Variants in FOXC1 observed in about 807,000 individuals in gnomAD.
The protein encoded by FOXC1 is forkhead box C1.
In FOXC1, 5 loss-of-function variants were observed where a neutral mutation model predicts 8.1. The observed-to-expected ratio is 0.62, with a 90% CI of 0.32 to 1.30. The LOEUF is 1.30. Among genes scored for constraint, FOXC1 ranks in the 50% most tolerant of loss-of-function variants. The probability of loss-of-function intolerance (pLI) is 0.05; values close to 1 mark genes in which losing one functional copy is unlikely to be tolerated. For missense variants in FOXC1, 942 were observed against 858.0 expected (o/e 1.10, Z -1.22); for synonymous variants, 552 against 417.2 (o/e 1.32, Z -3.94).
rs1561674046 is a variant in FOXC1 at position 1,609,937 on chromosome 6, C to T, written c.-509C>T. ...GATGCTCAAAAGTTCAGAAGTTTTCCCAATGCTTCCTTAAGCGGCTGGCGC... is the reference window on the plus strand; with the variant it reads ...GATGCTCAAAAGTTCAGAAGTTTTCTCAATGCTTCCTTAAGCGGCTGGCGC... On this transcript the variant is annotated 5_prime_UTR_variant, in exon 1 of 1. Coordinates refer to ENST00000645831, the MANE Select transcript of FOXC1 (RefSeq NM_001453.3). 1 of 151,924 alleles carries T rather than the reference C, an allele frequency of 6.6e-6. No individual in the cohort carries two copies. The highest frequency in any genetic ancestry group is 1.5e-5 in the Non-Finnish European group (1 of 67,968). 9.4% of individuals were successfully genotyped at this position (151,924 alleles called of 1,614,324 possible).
chr6:1,611,592 G>C lies in FOXC1; in HGVS notation c.1147G>C (p.Ala383Pro). The C allele has an allele frequency of 1.7e-6, 2 of 1,164,886 alleles. No homozygotes were observed. The highest frequency in any genetic ancestry group is 4.8e-5 in the Admixed American group (1 of 20,768). The allele number at this position is 1,164,886 out of a possible 1,614,324, so 72.2% of individuals were successfully genotyped here. ...GGGCGGCGGCGGCGGCGGCGCGGGG[G>C]CCGCGGGGGGCGCGGGCGGCGCCGG... Reference protein sequence around the residue: ...SSGGGGGGAGAAGGAGGAGTY... With the variant: ...SSGGGGGGAGPAGGAGGAGTY... The change falls in exon 1 of 1, where the codon GCC (alanine) becomes CCC (proline). Residue 383 changes from alanine (A) to proline (P), a missense_variant. Physicochemically the swap from Ala to Pro is conservative, Grantham distance 27. Transcript: ENST00000645831. This position sits in a 1 kb window ranked among gnomAD's most constrained non-coding sequence, Gnocchi z 7.1.
At position 1,611,521 on chromosome 6, in the gene FOXC1, C is replaced by T. The variant is rs1428492391; in HGVS notation, c.1076C>T (p.Ser359Phe). ...GGCGCCTACTCGCCCGGCCAGAGCT[C>T]CCTCTACAGCTCCCCCTGCAGCCAG... is the stretch of plus-strand genomic sequence containing the variant. Reference protein sequence around the residue: ...ALGAYSPGQSSLYSSPCSQTS... With the variant: ...ALGAYSPGQSFLYSSPCSQTS... Residue 359 changes from serine (S) to phenylalanine (F), a missense_variant, in exon 1 of 1, where the codon TCC (serine) becomes TTC (phenylalanine). Physicochemically the swap from Ser to Phe is radical, Grantham distance 155 (BLOSUM62 -2). Around this residue, in one of 4 missense-constraint regions of FOXC1, gnomAD observed 726 missense variants for 599.6 expected, o/e 1.21. Transcript: ENST00000645831. This position sits in a 1 kb window ranked among gnomAD's most constrained non-coding sequence, Gnocchi z 7.1. The T allele has an allele frequency of 3.0e-6, 4 of 1,334,482 alleles. No homozygotes were observed. The highest frequency in any genetic ancestry group is 2.9e-6 in the Non-Finnish European group (3 of 1,036,204). The allele number at this position is 1,334,482 out of a possible 1,614,324, so 82.7% of individuals were successfully genotyped here. A position where few individuals can be genotyped will look rare whatever the true frequency, so the allele number is the denominator to read the frequency against.
In FOXC1 at chr6:1,610,354, C is replaced by CCGGACT. The variant is rs895506711; in HGVS notation, c.-82_-77dup. On this transcript the variant is annotated 5_prime_UTR_variant, in exon 1 of 1. Transcript: ENST00000645831. ...CGGGCCGGCACCAGCTCGGCCGGGCCCGGACTCGGACTCGGCGGCCGGCGC... is the reference window on the plus strand; with the variant it reads ...CGGGCCGGCACCAGCTCGGCCGGGCCCGGACTCGGACTCGGACTCGGCGGCCGGCGC... 9 of 713,028 alleles carry CCGGACT rather than the reference C, an allele frequency of 1.3e-5. No individual in the cohort carries two copies. The Admixed American group carries it at 2.6e-4, about 21-fold the overall frequency. The allele number at this position is 713,028 out of a possible 1,614,324, so 44.2% of individuals were successfully genotyped here.
At position 1,610,226 on chromosome 6, in the gene FOXC1, CCGCCTCGCGGCCG is replaced by C. The variant is rs1762510140; in HGVS notation, c.-216_-204del. 1 of 154,942 alleles carries C rather than the reference CCGCCTCGCGGCCG, an allele frequency of 6.5e-6. No individual in the cohort carries two copies. The highest frequency in any genetic ancestry group is 1.4e-5 in the Non-Finnish European group (1 of 70,984). 9.6% of individuals were successfully genotyped at this position (154,942 alleles called of 1,614,324 possible). On this transcript the variant is annotated 5_prime_UTR_variant, in exon 1 of 1. Coordinates refer to ENST00000645831, the MANE Select transcript of FOXC1 (RefSeq NM_001453.3). Reference sequence around the variant, plus strand: ...CCGGCCTTCTCCCCTCGCAGCGACCCCGCCTCGCGGCCGCGCGGGCCCCGAGGTAGCCCGAGGC... The same window carrying C: ...CCGGCCTTCTCCCCTCGCAGCGACCCCGCGGGCCCCGAGGTAGCCCGAGGC...
chr6:1,611,510 C>T lies in FOXC1; in HGVS notation c.1065C>T (p.Pro355=), dbSNP rs569734753. 6 of 1,365,916 alleles carry T rather than the reference C, an allele frequency of 4.4e-6. No individual in the cohort carries two copies. Among genetic ancestry groups the T allele is most frequent in the East Asian group, 3.4e-5 (1 of 29,416 alleles). The allele number at this position is 1,365,916 out of a possible 1,614,324, so 84.6% of individuals were successfully genotyped here. ...APPLALGAYS[P]GQSSLYSSPC... ...CGCTGGCGCTCGGCGCCTACTCGCC[C>T]GGCCAGAGCTCCCTCTACAGCTCCC... Residue 355 remains proline (P), a synonymous_variant, in exon 1 of 1, where the codon CCC becomes CCT. Coordinates refer to ENST00000645831, the MANE Select transcript of FOXC1 (RefSeq NM_001453.3). This position sits in a 1 kb window ranked among gnomAD's most constrained non-coding sequence, Gnocchi z 7.1.
In FOXC1 at chr6:1,613,595, T is replaced by G. The variant is rs1050851728; in HGVS notation, c.*1488T>G. On this transcript the variant is annotated 3_prime_UTR_variant, in exon 1 of 1. Transcript: ENST00000645831. ...CCATTTTTTCTTGTTAATTTACAGTTAAACCTAGGGGACAATCCGGATTGG... is the reference window on the plus strand; with the variant it reads ...CCATTTTTTCTTGTTAATTTACAGTGAAACCTAGGGGACAATCCGGATTGG... 7.2e-5 allele frequency: 16 copies of G among 222,400 alleles called. No homozygotes were observed. In the Admixed American group the frequency reaches 9.5e-4, roughly 13 times the overall value. 13.8% of individuals were successfully genotyped at this position (222,400 alleles called of 1,614,324 possible).
rs2113115995 is a variant in FOXC1 at position 1,612,436 on chromosome 6, T to C, written c.*329T>C. The C allele has an allele frequency of 1.1e-5, 5 of 472,740 alleles. No homozygotes were observed. The Middle Eastern group carries it at 2.9e-3, about 278-fold the overall frequency. The allele number at this position is 472,740 out of a possible 1,614,324, so 29.3% of individuals were successfully genotyped here. Reference sequence around the variant, plus strand: ...TCCAGATAACACGTAAGTTTCTTCTTGCTTTTCAGAGACCTGCTTTCCCCT... The same window carrying C: ...TCCAGATAACACGTAAGTTTCTTCTCGCTTTTCAGAGACCTGCTTTCCCCT... On this transcript the variant is annotated 3_prime_UTR_variant, in exon 1 of 1. Coordinates refer to ENST00000645831, the MANE Select transcript of FOXC1 (RefSeq NM_001453.3).
In FOXC1 at chr6:1,612,071, G is replaced by C. The variant is rs145620663; in HGVS notation, c.1626G>C (p.Thr542=). 31 of 1,613,868 alleles carry C rather than the reference G, an allele frequency of 1.9e-5. No individual in the cohort carries two copies. Among genetic ancestry groups the C allele is most frequent in the Non-Finnish European group, 2.6e-5 (31 of 1,180,024 alleles). ...CTTCCAGCCAGTCTCTGTACCGCACGTCCGGAGCTTTCGTCTACGACTGTA... is the reference window on the plus strand; with the variant it reads ...CTTCCAGCCAGTCTCTGTACCGCACCTCCGGAGCTTTCGTCTACGACTGTA... The part of the protein sequence containing the change: ...AFPSSQSLYR[T]SGAFVYDCSK... The change falls in exon 1 of 1, where the codon ACG becomes ACC. Residue 542 remains threonine (T), a synonymous_variant. Coordinates refer to ENST00000645831, the MANE Select transcript of FOXC1 (RefSeq NM_001453.3).
chr6:1,611,276 G>C lies in FOXC1; in HGVS notation c.831G>C (p.Leu277=). 1 of 1,390,600 alleles carries C rather than the reference G, an allele frequency of 7.2e-7. No individual in the cohort carries two copies. The highest frequency in any genetic ancestry group is 9.3e-7 in the Non-Finnish European group (1 of 1,073,912). The allele number at this position is 1,390,600 out of a possible 1,614,324, so 86.1% of individuals were successfully genotyped here. ...GCGGGAGCAGCCCCCCGGGCAGCCT[G>C]CCGTCGGCGCGGCCGCTCAGCCTGG... ...LSSGSSPPGS[L]PSARPLSLDG... Residue 277 remains leucine (L), a synonymous_variant, in exon 1 of 1, where the codon CTG becomes CTC. Transcript: ENST00000645831. The surrounding 1 kb of genome is among the most constrained non-coding windows in gnomAD (Gnocchi z 7.1).
At position 1,611,873 on chromosome 6, in the gene FOXC1, C is replaced by T. The variant is rs1211356499; in HGVS notation, c.1428C>T (p.Asn476=). 6.5e-7 allele frequency: 1 copy of T among 1,543,560 alleles called. No individual in the cohort carries two copies. Among genetic ancestry groups the T allele is most frequent in the Admixed American group, 2.0e-5 (1 of 50,730 alleles). ...HQGRLTSWYL[N]QAGGDLGHLA... is the part of the protein sequence containing the mutation. ...GCCGCCTCACCTCGTGGTACCTGAA[C>T]CAGGCGGGCGGAGACCTGGGCCACT... The change falls in exon 1 of 1, where the codon AAC becomes AAT. Residue 476 remains asparagine, a synonymous_variant. Transcript: ENST00000645831. The surrounding 1 kb of genome is among the most constrained non-coding windows in gnomAD (Gnocchi z 7.1).
chr6:1,610,558 C>T lies in FOXC1; in HGVS notation c.113C>T (p.Thr38Ile). 2 of 1,565,446 alleles carry T rather than the reference C, an allele frequency of 1.3e-6. No homozygotes were observed. The highest frequency in any genetic ancestry group is 1.7e-6 in the Non-Finnish European group (2 of 1,156,548). The part of the protein sequence containing the change: ...AAAAAAGGGY[T>I]AMPAPMSVYS... ...GCCGCGGCGGCCGGGGGCGGCTACA[C>T]CGCCATGCCGGCCCCCATGAGCGTG... The change falls in exon 1 of 1, where the codon ACC becomes ATC. Residue 38 changes from threonine (T) to isoleucine (I), a missense_variant. Transcript: ENST00000645831.
In FOXC1 at chr6:1,611,323, C is replaced by A. The variant is rs1402251277; in HGVS notation, c.878C>A (p.Pro293Gln). ...CTGGACGGTGCGGATTCCGCGCCGC[C>A]GCCGCCCGCGCCCTCCGCCCCGCCG... ...LSLDGADSAP[P>Q]PPAPSAPPPH... The change falls in exon 1 of 1, where the codon CCG becomes CAG. Residue 293 changes from proline to glutamine, a missense_variant. By Grantham distance (76) the Pro-to-Gln change is moderately conservative (BLOSUM62 -1). This residue lies in a region of FOXC1 where 726 missense variants were observed against 599.6 expected (regional missense o/e 1.21). Transcript: ENST00000645831. The surrounding 1 kb of genome is among the most constrained non-coding windows in gnomAD (Gnocchi z 7.1). 1.4e-6 allele frequency: 2 copies of A among 1,415,096 alleles called. No individual in the cohort carries two copies. 87.7% of individuals were successfully genotyped at this position (1,415,096 alleles called of 1,614,324 possible).
chr6:1,611,678 C>T lies in FOXC1; in HGVS notation c.1233C>T (p.His411=), dbSNP rs1762553317. The change falls in exon 1 of 1, where the codon CAC becomes CAT. Residue 411 remains histidine, a synonymous_variant. Coordinates refer to ENST00000645831, the MANE Select transcript of FOXC1 (RefSeq NM_001453.3). The surrounding 1 kb of genome is among the most constrained non-coding windows in gnomAD (Gnocchi z 7.1). ...SLYAAGERGG[H]LQGAPGGAGG... is the part of the protein sequence containing the mutation. ...ACGCGGCCGGCGAGCGCGGGGGCCACTTGCAGGGCGCGCCCGGGGGCGCGG... is the reference window on the plus strand; with the variant it reads ...ACGCGGCCGGCGAGCGCGGGGGCCATTTGCAGGGCGCGCCCGGGGGCGCGG... 1 of 1,415,428 alleles carries T rather than the reference C, an allele frequency of 7.1e-7. No homozygotes were observed. The highest frequency in any genetic ancestry group is 1.5e-5 in the South Asian group (1 of 68,540). The allele number at this position is 1,415,428 out of a possible 1,614,324, so 87.7% of individuals were successfully genotyped here.
Position 1,611,416 on chromosome 6 carries a change from CG to C in FOXC1, c.973del (p.Ala325ProfsTer76). 1 of 1,446,188 alleles carries C rather than the reference CG, an allele frequency of 6.9e-7. No individual in the cohort carries two copies. Among genetic ancestry groups the C allele is most frequent in the Non-Finnish European group, 9.1e-7 (1 of 1,101,326 alleles). The allele number at this position is 1,446,188 out of a possible 1,614,324, so 89.6% of individuals were successfully genotyped here. A position where few individuals can be genotyped will look rare whatever the true frequency, so the allele number is the denominator to read the frequency against. ...MTSLRGSPQS[A>X]AAELSSGLLA... The stretch of plus-strand genomic sequence containing the variant: ...TCGCTGCGGGGGTCGCCGCAGAGCG[CG>C]GCCGCGGAGCTCAGCTCCGGCCTTC... On this transcript the variant is annotated frameshift_variant, in exon 1 of 1. Transcript: ENST00000645831. LOFTEE classifies it low-confidence loss of function (END_TRUNC). The surrounding 1 kb of genome is among the most constrained non-coding windows in gnomAD (Gnocchi z 7.1).
chr6:1,610,110 C>T lies in FOXC1; in HGVS notation c.-336C>T, dbSNP rs1581373175. The stretch of plus-strand genomic sequence containing the variant: ...CGCAGGCAGTGTGGCGAGAAGGGCG[C>T]CTGCTTGTTCTTTCTTTTTGTCTGC... On this transcript the variant is annotated 5_prime_UTR_variant, in exon 1 of 1. Transcript: ENST00000645831. The T allele has an allele frequency of 6.8e-6, 1 of 147,774 alleles. No homozygotes were observed. The highest frequency in any genetic ancestry group is 1.5e-5 in the Non-Finnish European group (1 of 67,404). The allele number at this position is 147,774 out of a possible 1,614,324, so 9.2% of individuals were successfully genotyped here.
chr6:1,612,228 C>T lies in FOXC1; in HGVS notation c.*121C>T. The T allele has an allele frequency of 6.9e-7, 1 of 1,448,738 alleles. No individual in the cohort carries two copies. The highest frequency in any genetic ancestry group is 9.4e-7 in the Non-Finnish European group (1 of 1,064,104). The allele number at this position is 1,448,738 out of a possible 1,614,324, so 89.7% of individuals were successfully genotyped here. On this transcript the variant is annotated 3_prime_UTR_variant, in exon 1 of 1. Transcript: ENST00000645831. ...TAAAAAAAACCCCTGAGAATATTCA[C>T]CACACCAGCGAACAGAATATCCCTC...
chr6:1,610,961 G>C lies in FOXC1; in HGVS notation c.516G>C (p.Arg172=). 6 of 1,613,618 alleles carry C rather than the reference G, an allele frequency of 3.7e-6. No individual in the cohort carries two copies. Among genetic ancestry groups the C allele is most frequent in the Non-Finnish European group, 4.2e-6 (5 of 1,179,950 alleles). Residue 172 remains arginine (R), a synonymous_variant, in exon 1 of 1, where the codon CGG becomes CGC. Transcript: ENST00000645831. The part of the protein sequence containing the change: ...FENGSFLRRR[R]RFKKKDAVKD... Reference sequence around the variant, plus strand: ...ACGGCAGCTTCCTGCGGCGGCGGCGGCGCTTCAAGAAGAAGGACGCGGTGA... The same window carrying C: ...ACGGCAGCTTCCTGCGGCGGCGGCGCCGCTTCAAGAAGAAGGACGCGGTGA...
In FOXC1 at chr6:1,610,334, C is replaced by G; in HGVS notation, c.-112C>G. On this transcript the variant is annotated 5_prime_UTR_variant, in exon 1 of 1. Coordinates refer to ENST00000645831, the MANE Select transcript of FOXC1 (RefSeq NM_001453.3). Reference sequence around the variant, plus strand: ...CAGCCGGACGCACAGCGCAGCGGGCCGGCACCAGCTCGGCCGGGCCCGGAC... The same window carrying G: ...CAGCCGGACGCACAGCGCAGCGGGCGGGCACCAGCTCGGCCGGGCCCGGAC... 1 of 506,168 alleles carries G rather than the reference C, an allele frequency of 2.0e-6. No individual in the cohort carries two copies. The allele number at this position is 506,168 out of a possible 1,614,324, so 31.4% of individuals were successfully genotyped here. A position where few individuals can be genotyped will look rare whatever the true frequency, so the allele number is the denominator to read the frequency against.
Position 1,610,661 on chromosome 6 carries a change from G to A in FOXC1, c.216G>A (p.Gln72=), listed in dbSNP as rs200040370. The change falls in exon 1 of 1, where the codon CAG becomes CAA. Residue 72 remains glutamine, a synonymous_variant. Transcript: ENST00000645831. ...RAYGPYTPQP[Q]PKDMVKPPYS... The stretch of plus-strand genomic sequence containing the variant: ...ACGGGCCCTACACGCCGCAGCCGCA[G>A]CCCAAGGACATGGTGAAGCCGCCCT... 209 of 1,613,456 alleles carry A rather than the reference G, an allele frequency of 1.3e-4. No homozygotes were observed. The Admixed American group carries it at 1.4e-3, about 11-fold the overall frequency.
Sources: gnomAD v4.1 joint callset for allele counts on GRCh38, gnomAD v4.1.1 for gene constraint, gnomAD v4.1.1 regional missense constraint, Gnocchi (gnomAD v3.1) non-coding constraint, MANE v1.5 for transcripts, NCBI Gene and HGNC (gene_info 2026-07-23, HGNC 2026-07-21) for gene names.